LRGUK: variants seen among roughly 807,000 people sequenced by gnomAD.
LRGUK encodes the protein leucine rich repeats and guanylate kinase domain containing, also known as leucine-rich repeat and guanylate kinase domain-containing protein.
A neutral mutation model predicts 76.0 loss-of-function variants in LRGUK; 65 were observed. The ratio of observed to expected loss-of-function variants is 0.85; its 90% CI spans 0.70 to 1.05. LRGUK has a LOEUF of 1.05. Ranked by LOEUF, LRGUK falls within the 50% of genes least tolerant of loss-of-function variation. LRGUK has a pLI of 0.00. For synonymous variants in LRGUK, 268 were observed against 265.6 expected, an observed-to-expected ratio of 1.01 and a Z score of -0.09; for missense variants, 758 against 732.8, an observed-to-expected ratio of 1.03 and a Z score of -0.40.
At chr7:134,253,535 C>T (rs1270863321) in intron 18 of LRGUK, among the ~76,000 whole-genome samples, 1 of 152,128 alleles carries the variant, frequency 6.6e-6, no homozygotes, top group East Asian at 1.9e-4. Context: ...GATGTCAGGC[C>T]TGGGCGGCGT....
intron 16 of LRGUK, 124 bp from the exon 17 acceptor site, chr7:134,247,432 C>T: frequency 7.3e-5 from 42 of 577,038 alleles, no homozygotes; most frequent in South Asian, 2.4e-4. Context: ...TTTTTTATGC[C>T]TTTTCCCCCT....
At chr7:134,241,388 A>C (rs1802147767) in intron 16 of LRGUK, among the ~76,000 whole-genome samples, 1 of 152,204 alleles carries the variant, frequency 6.6e-6, no homozygotes, top group South Asian at 2.1e-4. Flanking sequence ...ACAGAAAAAA[A>C]AGCAGGGGTT....
chr7:134,271,640 T>C, the LRGUK span, among the ~76,000 whole-genome samples: 2 of 152,032 alleles, frequency 1.3e-5, no homozygotes, highest in Non-Finnish European at 2.9e-5. Flanking sequence ...TTACATTTAA[T>C]TCAAAAATTT....
At chr7:134,193,977 C>T (rs567151870) in intron 12 of LRGUK, among the ~76,000 whole-genome samples, 12 of 152,300 alleles carry the variant, frequency 7.9e-5, no homozygotes, top group Non-Finnish European at 1.5e-4. Flanking sequence ...CCCCACAACA[C>T]ACAATCATCC....
At chr7:134,143,156 C>A in exon 4 of LRGUK, 1 of 1,591,120 alleles carries the variant, frequency 6.3e-7, no homozygotes, top group South Asian at 1.1e-5. Flanking sequence ...CACCCAAAAA[C>A]CTCAAGGTAG....
intron 11 of LRGUK, among the ~76,000 whole-genome samples, chr7:134,187,068 C>T (rs541775020): frequency 6.6e-5 from 10 of 152,072 alleles, no homozygotes; most frequent in East Asian, 3.9e-4. Flanking sequence ...CATCAAGGCA[C>T]GGATAAAAGA....
chr7:134,206,665 A>G (rs1801023842), intron 15 of LRGUK, among the ~76,000 whole-genome samples: 1 of 152,046 alleles, frequency 6.6e-6, no homozygotes, highest in Non-Finnish European at 1.5e-5. Context: ...AAGGCTTAAA[A>G]AGCACAAGTA....
rs150116089 is a variant in LRGUK at position 134,187,084 on chromosome 7, C to T, written c.1334+3231C>T. On this transcript the variant is annotated intron_variant, in intron 11 of 15. Coordinates refer to ENST00000645682, the Ensembl canonical transcript of LRGUK. ...ATCAAGGCACGGATAAAAGACTATG[C>T]ATCGGATGGAAAAGGATATTAGATA... Among the ~76,000 whole-genome samples the T allele has an allele frequency of 7.9e-5, 12 of 152,152 alleles. No homozygotes were observed. In the East Asian group the frequency reaches 1.5e-3, roughly 20 times the overall value.
intron 15 of LRGUK, among the ~76,000 whole-genome samples, chr7:134,218,748 G>A (rs1052348030): frequency 1.3e-5 from 2 of 152,062 alleles, no homozygotes; most frequent in Non-Finnish European, 1.5e-5. Flanking sequence ...TGTTGTTTAG[G>A]TTGGATTTTA....
intron 5 of LRGUK, among the ~76,000 whole-genome samples, chr7:134,151,163 A>G (rs73159156): frequency 0.015 from 2,338 of 152,262 alleles, 32 homozygotes; most frequent in Non-Finnish European, 0.02. Context: ...GGACAACAGA[A>G]AGCAAAAATA....
intron 15 of LRGUK, among the ~76,000 whole-genome samples, chr7:134,205,613 T>G (rs1462600777): frequency 6.6e-6 from 1 of 152,172 alleles, no homozygotes; most frequent in Non-Finnish European, 1.5e-5. Flanking sequence ...GAAATTGAAA[T>G]AAAAAATATT....
chr7:134,167,429 C>G (rs892984), intron 7 of LRGUK, among the ~76,000 whole-genome samples: 20,069 of 152,230 alleles, frequency 0.13, 1,679 homozygotes, highest in East Asian at 0.32. Flanking sequence ...TCCTGGTGCC[C>G]TGGCTCCATG....
At chr7:134,141,381 T>G (rs1296268299) in intron 3 of LRGUK, among the ~76,000 whole-genome samples, 1 of 152,040 alleles carries the variant, frequency 6.6e-6, no homozygotes, top group African/African-American at 2.4e-5. Context: ...TCGAATAAGC[T>G]CCTGGATGAG....
In LRGUK at chr7:134,249,029, T is replaced by A. The variant is rs1255233251; in HGVS notation, c.2151T>A (p.Leu717=). The stretch of plus-strand genomic sequence containing the variant: ...AAGAACTCTGGAAAAGTTTTGATCT[T>A]TGTGAAGACTATTTTAAACCTCCAT... Residue 717 remains leucine, a synonymous_variant, in exon 18 of 20, where the codon CTT becomes CTA. Transcript: ENST00000285928. The A allele has an allele frequency of 3.1e-6, 5 of 1,600,488 alleles. No individual in the cohort carries two copies. In the Admixed American group the frequency reaches 6.8e-5, roughly 22 times the overall value.
At chr7:134,245,966 G>A (rs746403009) in intron 16 of LRGUK, among the ~76,000 whole-genome samples, 2 of 152,062 alleles carry the variant, frequency 1.3e-5, no homozygotes, top group Non-Finnish European at 2.9e-5. Flanking sequence ...ATCCTCCCCT[G>A]ACTTTCCCAA....
intron 16 of LRGUK, among the ~76,000 whole-genome samples, chr7:134,234,647 T>A (rs138319059): frequency 6.6e-5 from 10 of 152,304 alleles, no homozygotes; most frequent in Non-Finnish European, 1.5e-4. Flanking sequence ...ATCTTTGTTT[T>A]CCCCCTGCTT....
intron 17 of LRGUK, among the ~76,000 whole-genome samples, chr7:134,248,248 G>C (rs1392786737): frequency 1.3e-5 from 2 of 152,192 alleles, no homozygotes; most frequent in African/African-American, 4.8e-5. Flanking sequence ...CCAGCAGAAT[G>C]CCAGGCCTGT....
chr7:134,267,764 G>C (rs1276139213), downstream of LRGUK, among the ~76,000 whole-genome samples: 2 of 152,020 alleles, frequency 1.3e-5, no homozygotes. Context: ...GTCTTTATCA[G>C]CAGCGTGAAA....
At chr7:134,174,872 G>A (rs1175179275) in intron 8 of LRGUK, among the ~76,000 whole-genome samples, 4 of 152,068 alleles carry the variant, frequency 2.6e-5, no homozygotes, top group Non-Finnish European at 5.9e-5. Flanking sequence ...GACTGTCAGC[G>A]AAGGAAAGCC....
Sources: gnomAD v4.1 joint callset for allele counts (sites outside exome capture counted in the v4.1 genomes callset) on GRCh38, gnomAD v4.1.1 for gene constraint, MANE v1.5 for transcripts, NCBI Gene and HGNC (gene_info 2026-07-23, HGNC 2026-07-21) for gene names.